Variants in DHRS11 observed in about 807,000 individuals in gnomAD.
DHRS11 encodes the protein dehydrogenase/reductase SDR family member 11.
Under a neutral mutation model 30.7 loss-of-function variants are expected in DHRS11, and 18 were observed. The ratio of observed to expected loss-of-function variants is 0.59; its 90% CI spans 0.41 to 0.87. The LOEUF is 0.87. DHRS11 is among the 40% of genes least tolerant of loss of function. The pLI, the probability that DHRS11 is intolerant of heterozygous loss-of-function variation, is 0.00. For synonymous variants in DHRS11, 123 were observed against 139.6 expected (o/e 0.88, Z 0.84); for missense variants, 300 against 349.0 (o/e 0.86, Z 1.12).
At chr17:36,599,379 C>T (rs979573358) in intron 4 of DHRS11, 53 of 560,334 alleles carry the variant, frequency 9.5e-5, no homozygotes, top group African/African-American at 8.6e-4. Flanking sequence ...TGATCGTGAG[C>T]GAGTCACTGA....
intron 3 of DHRS11, 103 bp downstream of exon 3, chr17:36,598,360 C>A: frequency 9.8e-7 from 1 of 1,025,420 alleles, no homozygotes; most frequent in Admixed American, 2.0e-5. Context: ...TGGGAAAATA[C>A]AGATTTAATA....
Position 36,600,531 on chromosome 17 carries a change from C to A in DHRS11, c.*328C>A. 2.0e-6 allele frequency: 1 copy of A among 504,008 alleles called. No individual in the cohort carries two copies. Among genetic ancestry groups the A allele is most frequent in the South Asian group, 2.2e-5 (1 of 45,272 alleles). The allele number at this position is 504,008 out of a possible 1,614,324, so 31.2% of individuals were successfully genotyped here. On this transcript the variant is annotated 3_prime_UTR_variant, in exon 7 of 7. Coordinates refer to ENST00000618403, the MANE Select transcript of DHRS11 (RefSeq NM_024308.4). ...TGTGGCCAAAATCCCCATCTTCTTG[C>A]ACCTCAACGTCTGTGGCTCAGGGCT...
chr17:36,598,091 G>T, intron 2 of DHRS11, 72 bp from the exon 3 acceptor site: 1 of 1,499,086 alleles, frequency 6.7e-7, no homozygotes. Context: ...TTCCCCCCTA[G>T]CATTCTGTGG....
chr17:36,593,108 A>G (rs1287484316), intron 1 of DHRS11, among the ~76,000 whole-genome samples: 1 of 152,202 alleles, frequency 6.6e-6, no homozygotes, highest in Non-Finnish European at 1.5e-5. Flanking sequence ...TGAGGAGCTC[A>G]GGACCCAGCC....
chr17:36,593,507 A>G (rs962301125), intron 1 of DHRS11, among the ~76,000 whole-genome samples: 2 of 152,182 alleles, frequency 1.3e-5, no homozygotes, highest in Admixed American at 1.3e-4. Context: ...GGAAAGCTGC[A>G]GTCTTCCTTG....
At chr17:36,596,992 C>T (rs1349922303) in intron 2 of DHRS11, 21 of 424,856 alleles carry the variant, frequency 4.9e-5, no homozygotes, top group Non-Finnish European at 8.6e-5. Flanking sequence ...ACATTAAATT[C>T]CTACAGCTCC....
chr17:36,596,586 G>A, intron 2 of DHRS11: 2 of 322,314 alleles, frequency 6.2e-6, no homozygotes, highest in South Asian at 5.4e-5. Flanking sequence ...GGTATGGCTT[G>A]ATCCCATAAG....
intron 3 of DHRS11, 119 bp from the exon 4 acceptor site, chr17:36,598,802 C>T: frequency 7.5e-7 from 1 of 1,335,152 alleles, no homozygotes; most frequent in South Asian, 1.4e-5. Context: ...AGTAGAGGTC[C>T]CCTTTAGAAG....
chr17:36,599,898 AG>A, intron 5 of DHRS11, 73 bp from the exon 6 acceptor site: 1 of 1,579,058 alleles, frequency 6.3e-7, no homozygotes, highest in African/African-American at 1.3e-5. Context: ...TGGATGCCAC[AG>A]AGAAGCTCAG....
chr17:36,595,228 G>A (rs1046512288), intron 2 of DHRS11, 48 bp downstream of exon 2: 1 of 1,605,886 alleles, frequency 6.2e-7, no homozygotes, highest in Non-Finnish European at 8.5e-7. Context: ...GGGGAGGAGA[G>A]AGGGGAGCCA....
In DHRS11 at chr17:36,600,209, G is replaced by T. The variant is rs2074848458; in HGVS notation, c.*6G>T. Reference sequence around the variant, plus strand: ...CCACGGAGCAGGTGACCTAGTGACTGTGGGAGCTCCTCCTTCCCTCCCCAC... The same window carrying T: ...CCACGGAGCAGGTGACCTAGTGACTTTGGGAGCTCCTCCTTCCCTCCCCAC... On this transcript the variant is annotated 3_prime_UTR_variant, in exon 7 of 7. Transcript: ENST00000618403. The T allele has an allele frequency of 1.2e-6, 2 of 1,614,176 alleles. No individual in the cohort carries two copies. Among genetic ancestry groups the T allele is most frequent in the East Asian group, 4.5e-5 (2 of 44,880 alleles).
Position 36,592,659 on chromosome 17 carries a change from T to C in DHRS11, c.147+503T>C, listed in dbSNP as rs1343531395. ...CATGAGGAATGAATGGAATATTCAT[T>C]AGTGGGCCCTCCTCCACTCTCCTGG... is the stretch of plus-strand genomic sequence containing the variant. On this transcript the variant is annotated intron_variant, in intron 1 of 6. Coordinates refer to ENST00000618403, the MANE Select transcript of DHRS11 (RefSeq NM_024308.4). This position sits in a 1 kb window ranked among gnomAD's most constrained non-coding sequence, Gnocchi z 4.4. Among the ~76,000 whole-genome samples, 1 of 152,108 alleles carries C rather than the reference T, an allele frequency of 6.6e-6. No individual in the cohort carries two copies. The highest frequency in any genetic ancestry group is 2.4e-5 in the African/African-American group (1 of 41,402).
chr17:36,592,238 C>G lies in DHRS11; in HGVS notation c.147+82C>G. ...TTCACCTGCCCGCCACGCCGGGGCC[C>G]TTTGCTCTAGTCGGGGCGGCCTCTC... On this transcript the variant is annotated intron_variant, in intron 1 of 6. Coordinates refer to ENST00000618403, the MANE Select transcript of DHRS11 (RefSeq NM_024308.4). The surrounding 1 kb of genome is among the most constrained non-coding windows in gnomAD (Gnocchi z 4.4). 1 of 1,226,710 alleles carries G rather than the reference C, an allele frequency of 8.2e-7. No homozygotes were observed. The highest frequency in any genetic ancestry group is 1.0e-6 in the Non-Finnish European group (1 of 983,000). 76.0% of individuals were successfully genotyped at this position (1,226,710 alleles called of 1,614,324 possible). A position where few individuals can be genotyped will look rare whatever the true frequency, so the allele number is the denominator to read the frequency against.
At chr17:36,593,199 C>T (rs2074782417) in intron 1 of DHRS11, among the ~76,000 whole-genome samples, 1 of 152,192 alleles carries the variant, frequency 6.6e-6, no homozygotes, top group Admixed American at 6.5e-5. Context: ...GCCTTCTCAC[C>T]TACTCCCCTA....
At chr17:36,599,115 G>T (rs142207946) in intron 4 of DHRS11, 65 bp downstream of exon 4, 3 of 1,558,008 alleles carry the variant, frequency 1.9e-6, no homozygotes, top group Non-Finnish European at 2.6e-6. Flanking sequence ...CACACACACC[G>T]TTCAGGAAGC....
chr17:36,594,607 T>C, intron 1 of DHRS11: 1 of 324,530 alleles, frequency 3.1e-6, no homozygotes, highest in South Asian at 4.9e-5. Flanking sequence ...AGAGATAGGG[T>C]TCCACCAAGT....
intron 5 of DHRS11, 25 bp from the exon 6 acceptor site, chr17:36,599,947 C>G (rs150720728): frequency 6.2e-7 from 1 of 1,612,486 alleles, no homozygotes; most frequent in East Asian, 2.2e-5. Flanking sequence ...GTCCTTGTCT[C>G]AACCCATTCC....
At position 36,594,978 on chromosome 17, in the gene DHRS11, C is replaced by A. The variant is rs367625801; in HGVS notation, c.155C>A (p.Ala52Asp). 30 of 1,614,076 alleles carry A rather than the reference C, an allele frequency of 1.9e-5. No individual in the cohort carries two copies. The highest frequency in any genetic ancestry group is 2.5e-5 in the Non-Finnish European group (29 of 1,180,036). The part of the protein sequence containing the change: ...ARTVGNIEEL[A>D]AECKSAGYPG... ...CCCTGTTGGGTTTCATAGGAGCTGG[C>A]TGCTGAATGTAAGAGTGCAGGCTAC... The change falls in exon 2 of 7, where the codon GCT (alanine) becomes GAT (aspartate). Residue 52 changes from alanine (A) to aspartate (D), a missense_variant. Coordinates refer to ENST00000618403, the MANE Select transcript of DHRS11 (RefSeq NM_024308.4).
chr17:36,594,773 C>G (rs570572661), intron 1 of DHRS11, 198 bp from the exon 2 acceptor site: 2 of 611,138 alleles, frequency 3.3e-6, no homozygotes, highest in Non-Finnish European at 5.8e-6. Flanking sequence ...CTTCATCACT[C>G]GGGGAGCACT....
Sources: gnomAD v4.1 joint callset for allele counts (sites outside exome capture counted in the v4.1 genomes callset) on GRCh38, gnomAD v4.1.1 for gene constraint, Gnocchi (gnomAD v3.1) non-coding constraint, MANE v1.5 for transcripts, NCBI Gene and HGNC (gene_info 2026-07-23, HGNC 2026-07-21) for gene names.